PEBP4: variants seen among roughly 807,000 people sequenced by gnomAD.
PEBP4 encodes phosphatidylethanolamine binding protein 4.
In PEBP4, 22 loss-of-function variants were observed where a neutral mutation model predicts 23.9. The observed-to-expected ratio is 0.92, with a 90% CI of 0.66 to 1.31. The LOEUF (loss-of-function observed/expected upper bound fraction) is 1.31, where lower values mean the gene tolerates loss of function less well. PEBP4 is among the 40% of genes most tolerant of loss of function. The pLI is 0.00. For missense variants in PEBP4, 324 were observed against 281.7 expected (o/e 1.15, Z -1.07); for synonymous variants, 112 against 99.3 (o/e 1.13, Z -0.76).
At chr8:22,894,987 T>G (rs1808562986) in intron 3 of PEBP4, among the ~76,000 whole-genome samples, 1 of 152,218 alleles carries the variant, frequency 6.6e-6, no homozygotes, top group African/African-American at 2.4e-5. Flanking sequence ...GAATCAGATT[T>G]CAGCATGGCC....
At position 22,902,458 on chromosome 8, in the gene PEBP4, T is replaced by C. The variant is rs1183901201; in HGVS notation, c.258+17726A>G. 2.1e-5 allele frequency among the ~76,000 whole-genome samples: 3 copies of C among 143,724 alleles called. No homozygotes were observed. The East Asian group carries it at 5.8e-4, about 28-fold the overall frequency. The allele number at this position is 143,724 out of a possible 152,430, so 94.3% of individuals were successfully genotyped here. ...TGGTAGCTTTATGGCATGAGGCAGATAGGGTGCTCTGAATGTGTCCATGAG... is the reference window on the plus strand; with the variant it reads ...TGGTAGCTTTATGGCATGAGGCAGACAGGGTGCTCTGAATGTGTCCATGAG... On this transcript the variant is annotated intron_variant, in intron 3 of 6. Coordinates refer to ENST00000256404, the MANE Select transcript of PEBP4 (RefSeq NM_144962.3).
intron 4 of PEBP4, among the ~76,000 whole-genome samples, chr8:22,735,642 C>T (rs1195853232): frequency 6.6e-6 from 1 of 152,198 alleles, no homozygotes; most frequent in Non-Finnish European, 1.5e-5. Context: ...CTTCTCTTCT[C>T]CAAATGATCA....
At chr8:22,717,789 G>A (rs1383063261) in intron 6 of PEBP4, among the ~76,000 whole-genome samples, 2 of 152,128 alleles carry the variant, frequency 1.3e-5, no homozygotes, top group Non-Finnish European at 1.5e-5. Flanking sequence ...TCTTGTTGGG[G>A]GATGGTGGCC....
chr8:22,882,099 C>T (rs1808271070), intron 3 of PEBP4, among the ~76,000 whole-genome samples: 2 of 152,210 alleles, frequency 1.3e-5, no homozygotes, highest in Non-Finnish European at 2.9e-5. Context: ...CCCCAGCCCT[C>T]CATCTCATTC....
In PEBP4 at chr8:22,927,682, T is replaced by C; in HGVS notation, c.33A>G (p.Ala11=). 6.2e-7 allele frequency: 1 copy of C among 1,613,972 alleles called. No homozygotes were observed. The highest frequency in any genetic ancestry group is 2.2e-5 in the East Asian group (1 of 44,870). Residue 11 remains alanine, a synonymous_variant, in exon 2 of 7, where the codon GCA becomes GCG. Coordinates refer to ENST00000256404, the MANE Select transcript of PEBP4 (RefSeq NM_144962.3). The part of the protein sequence containing the change: MGWTMRLVTA[A]LLLGLMMVVT... ...CCACCATCATGAGACCCAGTAACAG[T>C]GCTGCTGTGACCAGCCTCATTGTCC...
intron 4 of PEBP4, among the ~76,000 whole-genome samples, chr8:22,804,055 C>T (rs1036024067): frequency 7.9e-5 from 12 of 152,176 alleles, no homozygotes; most frequent in Non-Finnish European, 1.5e-4. Flanking sequence ...GGGCTGGGTG[C>T]GGTGGCTCAC....
chr8:22,918,497 C>A (rs550895963), intron 3 of PEBP4, among the ~76,000 whole-genome samples: 9 of 152,292 alleles, frequency 5.9e-5, no homozygotes, highest in South Asian at 2.1e-4. Context: ...GAAACCAAAT[C>A]AAACCAAAGA....
chr8:22,796,687 TCAAA>T (rs1806267010), intron 4 of PEBP4, among the ~76,000 whole-genome samples: 1 of 152,104 alleles, frequency 6.6e-6, no homozygotes, highest in South Asian at 2.1e-4. Context: ...GTGAAATGAC[TCAAA>T]CAGAAAGCAA....
At chr8:22,716,726 G>A (rs1804426863) in intron 6 of PEBP4, among the ~76,000 whole-genome samples, 1 of 152,200 alleles carries the variant, frequency 6.6e-6, no homozygotes, top group Admixed American at 6.5e-5. Context: ...ACTGAGAGGT[G>A]CTCTGCCACA....
At chr8:22,921,133 C>A (rs2466219) in intron 2 of PEBP4, among the ~76,000 whole-genome samples, 88,100 of 152,246 alleles carry the variant, frequency 0.58, 26,596 homozygotes, top group East Asian at 0.78. Context: ...TTATATTTGA[C>A]ACTCAGGAAC....
chr8:22,719,005 G>T (rs1804468302), intron 6 of PEBP4, among the ~76,000 whole-genome samples: 1 of 152,084 alleles, frequency 6.6e-6, no homozygotes, highest in Non-Finnish European at 1.5e-5. Flanking sequence ...ACCCACCGAG[G>T]CCTGCATGCC....
intron 4 of PEBP4, among the ~76,000 whole-genome samples, chr8:22,789,187 AAGAC>A (rs1211023121): frequency 6.6e-6 from 1 of 152,226 alleles, no homozygotes; most frequent in Non-Finnish European, 1.5e-5. Flanking sequence ...ATGAAACAGA[AAGAC>A]AGTTATACAC....
intron 4 of PEBP4, among the ~76,000 whole-genome samples, chr8:22,761,590 G>A (rs936320489): frequency 5.9e-5 from 9 of 152,202 alleles, no homozygotes; most frequent in African/African-American, 2.2e-4. Flanking sequence ...GACAGATTAT[G>A]TCAGCAAGGA....
At chr8:22,803,747 T>C (rs1281802149) in intron 4 of PEBP4, among the ~76,000 whole-genome samples, 1 of 152,142 alleles carries the variant, frequency 6.6e-6, no homozygotes, top group Non-Finnish European at 1.5e-5. Context: ...CTCCCCCTTG[T>C]CTCCTCACCT....
intron 3 of PEBP4, among the ~76,000 whole-genome samples, chr8:22,872,826 G>A (rs975861476): frequency 1.3e-5 from 2 of 152,086 alleles, no homozygotes; most frequent in Non-Finnish European, 2.9e-5. Flanking sequence ...ACAGGCATGC[G>A]CCACCACGCC....
At chr8:22,869,316 C>CTA (rs1173296445) in intron 3 of PEBP4, among the ~76,000 whole-genome samples, 1 of 152,158 alleles carries the variant, frequency 6.6e-6, no homozygotes, top group East Asian at 1.9e-4. Flanking sequence ...ATGTTTTTCC[C>CTA]TATATATATT....
intron 4 of PEBP4, among the ~76,000 whole-genome samples, chr8:22,742,158 A>G (rs2128750631): frequency 6.6e-6 from 1 of 152,342 alleles, no homozygotes. Flanking sequence ...GGAAGCTAAG[A>G]GAAACTTCTC....
chr8:22,912,721 A>G (rs540369149), intron 3 of PEBP4, among the ~76,000 whole-genome samples: 2 of 152,310 alleles, frequency 1.3e-5, no homozygotes, highest in East Asian at 3.9e-4. Flanking sequence ...AAATGCTGAC[A>G]ATCCTCACTC....
chr8:22,827,640 G>A (rs12386970), intron 3 of PEBP4, among the ~76,000 whole-genome samples: 69,218 of 151,984 alleles, frequency 0.46, 16,312 homozygotes, highest in East Asian at 0.71. Context: ...TATCCAATTG[G>A]TGGACATTTG....
Sources: gnomAD v4.1 joint callset for allele counts (sites outside exome capture counted in the v4.1 genomes callset) on GRCh38, gnomAD v4.1.1 for gene constraint, MANE v1.5 for transcripts, NCBI Gene and HGNC (gene_info 2026-07-23, HGNC 2026-07-21) for gene names.